The following SRPX variants were observed in gnomAD, a reference collection of about 807,000 sequenced individuals.
The protein encoded by SRPX is sushi repeat containing protein X-linked.
Under a neutral mutation model 38.1 loss-of-function variants are expected in SRPX, and 24 were observed. The observed-to-expected ratio is 0.63, with a 90% CI of 0.46 to 0.89. The LOEUF is 0.89. SRPX is among the 40% of genes least tolerant of loss of function. The pLI, the probability that SRPX is intolerant of heterozygous loss-of-function variation, is 0.00. For synonymous variants in SRPX, 184 were observed against 153.8 expected (o/e 1.20, Z -1.45); for missense variants, 416 against 377.8 (o/e 1.10, Z -0.84).
chrX:38,197,365 G>A lies in SRPX; in HGVS notation c.98-19021C>T, dbSNP rs781627471. On this transcript the variant is annotated intron_variant, in intron 1 of 9. Coordinates refer to ENST00000378533, the MANE Select transcript of SRPX (RefSeq NM_006307.5). The stretch of plus-strand genomic sequence containing the variant: ...GCAAGAGGACAGAGGCTAAACCAAA[G>A]AAGTCTGGCTTATCCTAGACTGAAG... 1.0e-3 allele frequency among the ~76,000 whole-genome samples: 115 copies of A among 112,274 alleles called. 1 individual carries two copies. The highest frequency in any genetic ancestry group is 1.9e-3 in the Non-Finnish European group (100 of 53,256).
intron 7 of SRPX, among the ~76,000 whole-genome samples, chrX:38,157,402 C>T (rs1224908538): frequency 9.0e-6 from 1 of 111,091 alleles, no homozygotes; most frequent in Non-Finnish European, 1.9e-5. Context: ...TTTTCAGCAT[C>T]GAGAGGCCAC....
chrX:38,199,372 C>T (rs1939066411), intron 1 of SRPX, among the ~76,000 whole-genome samples: 1 of 111,189 alleles, frequency 9.0e-6, no homozygotes, highest in Non-Finnish European at 1.9e-5. Context: ...CGCCACTGCA[C>T]TCCAGCCTGG....
In SRPX at chrX:38,154,451, C is replaced by T. The variant is rs759596330; in HGVS notation, c.1211+11G>A. The stretch of plus-strand genomic sequence containing the variant: ...CAGGGGATAAGATTTAAGAACAGAA[C>T]TTCCCCCTACCTGAGCTGCAGCGCT... On this transcript the variant is annotated intron_variant, in intron 9 of 9. Coordinates refer to ENST00000378533, the MANE Select transcript of SRPX (RefSeq NM_006307.5). The T allele has an allele frequency of 4.2e-6, 5 of 1,198,408 alleles. No individual in the cohort carries two copies. The highest frequency in any genetic ancestry group is 5.6e-6 in the Non-Finnish European group (5 of 889,018).
chrX:38,188,127 G>T (rs999390124), intron 1 of SRPX, among the ~76,000 whole-genome samples: 3 of 111,552 alleles, frequency 2.7e-5, no homozygotes, highest in East Asian at 5.6e-4. Flanking sequence ...AGATAAAAGC[G>T]CAAGAGTAAG....
chrX:38,156,756 G>C lies in SRPX; in HGVS notation c.1089+140C>G, dbSNP rs773063644. Reference sequence around the variant, plus strand: ...TATGGCCCAGAACCAGAAATGAATGGTGGTAGCTCTAAAGTGCCACTTCCT... The same window carrying C: ...TATGGCCCAGAACCAGAAATGAATGCTGGTAGCTCTAAAGTGCCACTTCCT... On this transcript the variant is annotated intron_variant, in intron 8 of 9. Coordinates refer to ENST00000378533, the MANE Select transcript of SRPX (RefSeq NM_006307.5). 5.2e-5 allele frequency: 35 copies of C among 670,424 alleles called. 1 individual carries two copies. In the South Asian group the frequency reaches 1.1e-3, roughly 21 times the overall value. 55.3% of individuals were successfully genotyped at this position (670,424 alleles called of 1,213,427 possible).
At chrX:38,180,973 T>C (rs1197611632) in intron 1 of SRPX, among the ~76,000 whole-genome samples, 1 of 112,279 alleles carries the variant, frequency 8.9e-6, no homozygotes, top group Non-Finnish European at 1.9e-5. Context: ...GTGAGCAAAG[T>C]TGGTCCCAGA....
At chrX:38,200,511 G>C (rs1939089059) in intron 1 of SRPX, among the ~76,000 whole-genome samples, 1 of 111,799 alleles carries the variant, frequency 8.9e-6, no homozygotes, top group Non-Finnish European at 1.9e-5. Context: ...AATTAATAAG[G>C]AGGAGAAGTC....
intron 4 of SRPX, among the ~76,000 whole-genome samples, chrX:38,169,337 T>G (rs1316169693): frequency 8.9e-6 from 1 of 111,853 alleles, no homozygotes; most frequent in Admixed American, 9.5e-5. Flanking sequence ...AATAATGCAA[T>G]GATCCCATTC....
intron 1 of SRPX, among the ~76,000 whole-genome samples, chrX:38,184,147 G>A (rs749837674): frequency 6.9e-4 from 77 of 111,306 alleles, no homozygotes; most frequent in African/African-American, 2.3e-3. Context: ...CTGCTATCAC[G>A]CCATAAGGTT....
intron 1 of SRPX, among the ~76,000 whole-genome samples, chrX:38,187,933 C>A (rs1436289261): frequency 8.9e-6 from 1 of 111,735 alleles, no homozygotes; most frequent in East Asian, 2.8e-4. Flanking sequence ...GGAGAGATGT[C>A]CAGGAGTTGT....
chrX:38,212,335 G>A (rs763279640), intron 1 of SRPX, among the ~76,000 whole-genome samples: 1 of 111,861 alleles, frequency 8.9e-6, no homozygotes, highest in East Asian at 2.8e-4. Context: ...CTTAGGAAAG[G>A]AAGGTCAGAG....
At chrX:38,158,860 G>A (rs1383287169) in intron 7 of SRPX, among the ~76,000 whole-genome samples, 4 of 110,250 alleles carry the variant, frequency 3.6e-5, no homozygotes, top group African/African-American at 1.3e-4. Flanking sequence ...GGCACCTGTA[G>A]TCCCAGCTGC....
intron 1 of SRPX, among the ~76,000 whole-genome samples, chrX:38,206,340 T>C (rs1215893898): frequency 1.8e-5 from 2 of 112,159 alleles, no homozygotes; most frequent in African/African-American, 6.5e-5. Context: ...GAACCAGAGA[T>C]GAGCCGTCCC....
chrX:38,170,617 G>T (rs1409015174), intron 4 of SRPX, among the ~76,000 whole-genome samples: 1 of 111,388 alleles, frequency 9.0e-6, no homozygotes, highest in Non-Finnish European at 1.9e-5. Context: ...ACCTTGTTCT[G>T]ACAAACTGTA....
chrX:38,186,910 C>A (rs1938799665), intron 1 of SRPX, among the ~76,000 whole-genome samples: 1 of 111,396 alleles, frequency 9.0e-6, no homozygotes, highest in Admixed American at 9.6e-5. Flanking sequence ...CCTTGCTTAG[C>A]TCTTTCTTGC....
chrX:38,203,234 C>T (rs759915807), intron 1 of SRPX, among the ~76,000 whole-genome samples: 22 of 110,421 alleles, frequency 2.0e-4, no homozygotes, highest in African/African-American at 6.6e-4. Context: ...AACATCCATT[C>T]GTGATTTAAA....
At chrX:38,205,894 A>G (rs751097142) in intron 1 of SRPX, among the ~76,000 whole-genome samples, 5 of 112,376 alleles carry the variant, frequency 4.4e-5, no homozygotes, top group Non-Finnish European at 7.5e-5. Context: ...TGCCGTCCCA[A>G]ACCAGCTCTG....
At chrX:38,211,298 C>T (rs1483288457) in intron 1 of SRPX, among the ~76,000 whole-genome samples, 2 of 112,138 alleles carry the variant, frequency 1.8e-5, no homozygotes, top group African/African-American at 3.2e-5. Context: ...GACCTTCACC[C>T]TAGATTACTG....
chrX:38,188,889 G>T (rs760021651), intron 1 of SRPX, among the ~76,000 whole-genome samples: 1 of 112,039 alleles, frequency 8.9e-6, no homozygotes, highest in South Asian at 3.7e-4. Context: ...GAAAAACAGT[G>T]ATTTAAATAC....
Sources: gnomAD v4.1 joint callset for allele counts (sites outside exome capture counted in the v4.1 genomes callset) on GRCh38, gnomAD v4.1.1 for gene constraint, MANE v1.5 for transcripts, NCBI Gene and HGNC (gene_info 2026-07-23, HGNC 2026-07-21) for gene names.